Variants in FKBP9 observed in about 807,000 individuals in gnomAD.
FKBP9 encodes the protein peptidyl-prolyl cis-trans isomerase FKBP9.
FKBP9 carries 27 observed loss-of-function variants against 55.6 expected under a neutral mutation model. That is an observed-to-expected ratio of 0.49 (90% confidence interval 0.36 to 0.67). FKBP9 has a LOEUF of 0.67. Among genes scored for constraint, FKBP9 ranks in the 30% least tolerant of loss-of-function variants. FKBP9 has a pLI of 0.00. For missense variants in FKBP9, 539 were observed against 742.8 expected, an observed-to-expected ratio of 0.73 and a Z score of 3.19; for synonymous variants, 267 against 296.5, an observed-to-expected ratio of 0.90 and a Z score of 1.02.
chr7:32,997,940 G>A (rs1237282801), intron 7 of FKBP9, among the ~76,000 whole-genome samples: 7 of 152,208 alleles, frequency 4.6e-5, no homozygotes, highest in Admixed American at 2.0e-4. Flanking sequence ...TCTAAAGAGC[G>A]TGATGGAAAC....
At chr7:32,999,266 C>T (rs1226060807) in intron 7 of FKBP9, among the ~76,000 whole-genome samples, 1 of 152,082 alleles carries the variant, frequency 6.6e-6, no homozygotes, top group Non-Finnish European at 1.5e-5. Context: ...CCATGTTGTC[C>T]CCAGTGCTCA....
chr7:33,000,742 A>C (rs949390142), intron 8 of FKBP9, among the ~76,000 whole-genome samples: 6 of 151,708 alleles, frequency 4.0e-5, no homozygotes, highest in Admixed American at 1.3e-4. Flanking sequence ...GTTTTACTCC[A>C]TCATTTCAGC....
intron 1 of FKBP9, among the ~76,000 whole-genome samples, chr7:32,965,183 A>C (rs1382467071): frequency 6.6e-6 from 1 of 152,002 alleles, no homozygotes; most frequent in Non-Finnish European, 1.5e-5. Context: ...TCTGTTTCCC[A>C]GGCTGGAGTG....
At chr7:32,996,606 T>TTTCC (rs201756956) in intron 7 of FKBP9, among the ~76,000 whole-genome samples, 20,677 of 110,178 alleles carry the variant, frequency 0.19, 2,648 homozygotes, top group African/African-American at 0.31. Flanking sequence ...AACTGCTATC[T>TTTCC]TTCCTTCCTT....
chr7:32,989,365 AGTTAAG>A (rs1003754376), intron 6 of FKBP9, among the ~76,000 whole-genome samples: 1 of 152,204 alleles, frequency 6.6e-6, no homozygotes, highest in Admixed American at 6.5e-5. Context: ...AAGAAAATAC[AGTTAAG>A]CAAAGAAATC....
At chr7:32,983,995 AATTT>A (rs1784530178) in intron 5 of FKBP9, among the ~76,000 whole-genome samples, 1 of 152,044 alleles carries the variant, frequency 6.6e-6, no homozygotes, top group South Asian at 2.1e-4. Flanking sequence ...CATTTTCCTC[AATTT>A]ATTTGTTTGT....
At chr7:32,957,887 C>A in intron 1 of FKBP9, 93 bp downstream of exon 1, 1 of 962,460 alleles carries the variant, frequency 1.0e-6, no homozygotes, top group Non-Finnish European at 1.4e-6. Context: ...CCCCTAGCTC[C>A]GCCCCGTGCA....
chr7:32,973,905 T>C (rs1222714507), intron 1 of FKBP9, among the ~76,000 whole-genome samples: 1 of 149,408 alleles, frequency 6.7e-6, no homozygotes, highest in African/African-American at 2.5e-5. Context: ...TTGGCCAGGC[T>C]GGTTTCAAAC....
chr7:32,996,408 A>T, intron 7 of FKBP9, 59 bp downstream of exon 7: 1 of 1,136,646 alleles, frequency 8.8e-7, no homozygotes, highest in Non-Finnish European at 1.3e-6. Context: ...GCATGCTCCC[A>T]CCATCCTCCT....
Position 33,005,243 on chromosome 7 carries a change from G to A in FKBP9, c.1605G>A (p.Glu535=). Residue 535 remains glutamate, a synonymous_variant, in exon 10 of 10, where the codon GAG becomes GAA. Coordinates refer to ENST00000242209, the MANE Select transcript of FKBP9 (RefSeq NM_007270.5). ...KGKLAPGFDA[E]LIVKNMFTNQ... ...AACTCGCTCCTGGCTTTGATGCTGA[G>A]CTGATTGTGAAGAATATGTTCACCA... is the stretch of plus-strand genomic sequence containing the variant. 2.5e-6 allele frequency: 4 copies of A among 1,614,180 alleles called. No individual in the cohort carries two copies. The highest frequency in any genetic ancestry group is 3.4e-6 in the Non-Finnish European group (4 of 1,180,032).
At position 33,005,354 on chromosome 7, in the gene FKBP9, C is replaced by T. The variant is rs748745387; in HGVS notation, c.*3C>T. The T allele has an allele frequency of 7.4e-6, 12 of 1,614,040 alleles. No individual in the cohort carries two copies. The highest frequency in any genetic ancestry group is 1.0e-5 in the Non-Finnish European group (12 of 1,179,994). On this transcript the variant is annotated 3_prime_UTR_variant, in exon 10 of 10. Coordinates refer to ENST00000242209, the MANE Select transcript of FKBP9 (RefSeq NM_007270.5). ...AAGCCAAACACGATGAACTCTAAAC[C>T]TGGCATGAACCAGATGGTGCCAGGG...
At position 32,999,489 on chromosome 7, in the gene FKBP9, TTTAGTC is replaced by T. The variant is rs1784887344; in HGVS notation, c.1227-621_1227-616del. 7.9e-5 allele frequency among the ~76,000 whole-genome samples: 12 copies of T among 151,884 alleles called. No homozygotes were observed. The South Asian group carries it at 2.5e-3, about 32-fold the overall frequency. ...CTCTTGGTGGTCTTTTTTTTTTTTT[TTTAGTC>T]TTAGACTGCTACAGACATAAACACT... On this transcript the variant is annotated intron_variant, in intron 7 of 9. Coordinates refer to ENST00000242209, the MANE Select transcript of FKBP9 (RefSeq NM_007270.5).
intron 4 of FKBP9, among the ~76,000 whole-genome samples, chr7:32,976,749 A>G (rs1363366975): frequency 6.6e-6 from 1 of 152,200 alleles, no homozygotes; most frequent in African/African-American, 2.4e-5. Context: ...GACAGTGCAG[A>G]TACAGACCCA....
chr7:32,989,363 A>G (rs1477327495), intron 6 of FKBP9, among the ~76,000 whole-genome samples: 3 of 152,208 alleles, frequency 2.0e-5, no homozygotes, highest in Admixed American at 2.0e-4. Flanking sequence ...AAAAGAAAAT[A>G]CAGTTAAGCA....
chr7:32,974,495 G>C (rs10267153), intron 1 of FKBP9, 122 bp from the exon 2 acceptor site: 23,689 of 752,118 alleles, frequency 0.031, 1,323 homozygotes, highest in East Asian at 0.19. Context: ...TAACTCCTAG[G>C]CAGGGTTTTT....
Position 32,975,292 on chromosome 7 carries a change from C to G in FKBP9, c.478C>G (p.Pro160Ala). Residue 160 changes from proline (P) to alanine (A), a missense_variant, in exon 3 of 10, where the codon CCT (proline) becomes GCT (alanine). Pro to Ala is a conservative substitution (Grantham distance 27, BLOSUM62 -1). Transcript: ENST00000242209. The stretch of plus-strand genomic sequence containing the variant: ...CACCTATTTCAAGCCCCCGAGTTGC[C>G]CTCGGACCATCCAGGTGTCTGATTT... Reference protein sequence around the residue: ...IHTYFKPPSCPRTIQVSDFVR... With the variant: ...IHTYFKPPSCARTIQVSDFVR... 3.7e-6 allele frequency: 6 copies of G among 1,613,818 alleles called. No homozygotes were observed. The highest frequency in any genetic ancestry group is 3.4e-6 in the Non-Finnish European group (4 of 1,179,724).
At chr7:32,960,206 C>A (rs1482615540) in intron 1 of FKBP9, among the ~76,000 whole-genome samples, 1 of 151,196 alleles carries the variant, frequency 6.6e-6, no homozygotes, top group Non-Finnish European at 1.5e-5. Context: ...TCCCTGCCTC[C>A]CGGGTTCAAG....
chr7:32,968,452 A>G (rs965162319), intron 1 of FKBP9, among the ~76,000 whole-genome samples: 1 of 152,152 alleles, frequency 6.6e-6, no homozygotes, highest in Non-Finnish European at 1.5e-5. Context: ...TTCCCATCAA[A>G]GTGCACAAAG....
chr7:33,005,231 C>A lies in FKBP9; in HGVS notation c.1593C>A (p.Gly531=), dbSNP rs769355085. 6.2e-7 allele frequency: 1 copy of A among 1,614,150 alleles called. No individual in the cohort carries two copies. ...VASGKGKLAP[G]FDAELIVKNM... ...CTGGCAAAGGGAAACTCGCTCCTGG[C>A]TTTGATGCTGAGCTGATTGTGAAGA... Residue 531 remains glycine, a synonymous_variant, in exon 10 of 10, where the codon GGC becomes GGA. Transcript: ENST00000242209.
Sources: gnomAD v4.1 joint callset for allele counts (sites outside exome capture counted in the v4.1 genomes callset) on GRCh38, gnomAD v4.1.1 for gene constraint, MANE v1.5 for transcripts, NCBI Gene and HGNC (gene_info 2026-07-23, HGNC 2026-07-21) for gene names.